The following HGSNAT variants were observed in gnomAD, a reference collection of about 807,000 sequenced individuals.
HGSNAT encodes heparan-alpha-glucosaminide N-acetyltransferase, also known as transmembrane protein 76.
HGSNAT carries 59 observed loss-of-function variants against 85.2 expected under a neutral mutation model. That is an observed-to-expected ratio of 0.69 (90% confidence interval 0.56 to 0.86). The LOEUF (loss-of-function observed/expected upper bound fraction) is 0.86, where lower values mean the gene tolerates loss of function less well. Among genes scored for constraint, HGSNAT ranks in the 40% least tolerant of loss-of-function variants. HGSNAT has a pLI of 0.00. For synonymous variants in HGSNAT, 321 were observed against 304.5 expected (o/e 1.05, Z -0.56); for missense variants, 756 against 777.1 (o/e 0.97, Z 0.32).
chr8:43,140,664 T>G (rs1283863223), intron 1 of HGSNAT, 50 bp downstream of exon 1: 19 of 966,798 alleles, frequency 2.0e-5, no homozygotes, highest in South Asian at 5.8e-5. Context: ...GCGCAGCGTC[T>G]CCTCTCCGCG....
intron 2 of HGSNAT, among the ~76,000 whole-genome samples, chr8:43,148,040 C>T (rs992151851): frequency 6.6e-6 from 1 of 151,522 alleles, no homozygotes; most frequent in Non-Finnish European, 1.5e-5. Flanking sequence ...GTCAGGAGTT[C>T]GAGACCAGCC....
intron 10 of HGSNAT, among the ~76,000 whole-genome samples, chr8:43,179,842 T>G: frequency 2.4e-5 from 1 of 41,128 alleles, no homozygotes; most frequent in Admixed American, 2.0e-4. Flanking sequence ...GGGGGGCTGA[T>G]CCCCCCACCT....
intron 11 of HGSNAT, among the ~76,000 whole-genome samples, chr8:43,185,491 TC>T: frequency 6.6e-6 from 1 of 152,352 alleles, no homozygotes; most frequent in Middle Eastern, 3.4e-3. Context: ...TGATTTTGTA[TC>T]CTGAGACTTT....
At chr8:43,186,078 G>A (rs923583309) in intron 11 of HGSNAT, among the ~76,000 whole-genome samples, 3 of 152,152 alleles carry the variant, frequency 2.0e-5, no homozygotes. Flanking sequence ...ATGTTCATCA[G>A]GGATATTGGT....
chr8:43,196,797 A>G lies in HGSNAT; in HGVS notation c.1465-151A>G, dbSNP rs1804741632. ...GTTAGTCTCCACTAGTCAAAGGCAG[A>G]GGTGATGTTTCCCGCCTCCCTGTAA... On this transcript the variant is annotated intron_variant, in intron 14 of 17. Coordinates refer to ENST00000379644, the MANE Select transcript of HGSNAT (RefSeq NM_152419.3). 4.7e-6 allele frequency: 3 copies of G among 634,842 alleles called. No homozygotes were observed. In the African/African-American group the frequency reaches 5.5e-5, roughly 12 times the overall value. The allele number at this position is 634,842 out of a possible 1,614,324, so 39.3% of individuals were successfully genotyped here.
intron 5 of HGSNAT, among the ~76,000 whole-genome samples, chr8:43,162,833 G>T (rs1040799713): frequency 2.6e-5 from 4 of 151,948 alleles, no homozygotes; most frequent in African/African-American, 9.7e-5. Flanking sequence ...GACTCCCAGA[G>T]TGCAGGGATT....
rs951657698 is a variant in HGSNAT at position 43,178,043 on chromosome 8, G to A, written c.852-31G>A. On this transcript the variant is annotated intron_variant, in intron 9 of 17. Coordinates refer to ENST00000379644, the MANE Select transcript of HGSNAT (RefSeq NM_152419.3). ...ATATATAGACAAAAAATTTGGAAATGGCCACCTATTAATAACTAGATTCTT... is the reference window on the plus strand; with the variant it reads ...ATATATAGACAAAAAATTTGGAAATAGCCACCTATTAATAACTAGATTCTT... 3.1e-6 allele frequency: 5 copies of A among 1,597,484 alleles called. No individual in the cohort carries two copies. In the African/African-American group the frequency reaches 6.7e-5, roughly 21 times the overall value.
chr8:43,156,227 G>A lies in HGSNAT; in HGVS notation c.235-2348G>A, dbSNP rs575317602. Among the ~76,000 whole-genome samples, 59 of 152,042 alleles carry A rather than the reference G, an allele frequency of 3.9e-4. 1 individual carries two copies. Among genetic ancestry groups the A allele is most frequent in the Admixed American group, 1.8e-3 (28 of 15,274 alleles). On this transcript the variant is annotated intron_variant, in intron 2 of 17. Transcript: ENST00000379644. The stretch of plus-strand genomic sequence containing the variant: ...TATTCCATAGGTTTTGGAATGTTGT[G>A]CTTCCATTTTCATATGGAAACAACA...
At chr8:43,195,747 GA>G (rs1164608409) in intron 14 of HGSNAT, 7 of 5,632 alleles carry the variant, frequency 1.2e-3, no homozygotes, top group Non-Finnish European at 0.011. Context: ...AGAGGAGGAA[GA>G]GGAGGAGGAG....
intron 12 of HGSNAT, 103 bp from the exon 13 acceptor site, chr8:43,192,201 T>A: frequency 7.5e-7 from 1 of 1,329,340 alleles, no homozygotes; most frequent in Non-Finnish European, 1.0e-6. Flanking sequence ...GTGTTGGGAT[T>A]ACAGGCGTGA....
rs1220052687 is a variant in HGSNAT at position 43,191,469 on chromosome 8, C to T, written c.1129-5C>T. 1.9e-6 allele frequency: 3 copies of T among 1,612,282 alleles called. No individual in the cohort carries two copies. Among genetic ancestry groups the T allele is most frequent in the East Asian group, 2.2e-5 (1 of 44,816 alleles). On this transcript the variant is annotated splice_polypyrimidine_tract_variant and splice_region_variant and intron_variant, in intron 11 of 17. Coordinates refer to ENST00000379644, the MANE Select transcript of HGSNAT (RefSeq NM_152419.3). The stretch of plus-strand genomic sequence containing the variant: ...CCCGTGTTTTATTTTTCTGCCCCCA[C>T]TCAGGAGAGGAGCTGCCTTTCTCTT...
chr8:43,179,300 C>A (rs1443819842), intron 10 of HGSNAT, among the ~76,000 whole-genome samples: 1 of 149,802 alleles, frequency 6.7e-6, no homozygotes, highest in African/African-American at 2.5e-5. Flanking sequence ...CTCCTCACTT[C>A]CCAGTAGGGG....
At chr8:43,184,661 C>G (rs1303336485) in intron 11 of HGSNAT, among the ~76,000 whole-genome samples, 1 of 152,088 alleles carries the variant, frequency 6.6e-6, no homozygotes, top group Non-Finnish European at 1.5e-5. Flanking sequence ...TTTGTCAATT[C>G]TGGCTTTTGT....
chr8:43,171,774 G>A (rs190717536), intron 7 of HGSNAT, among the ~76,000 whole-genome samples: 10 of 152,302 alleles, frequency 6.6e-5, no homozygotes, highest in Admixed American at 2.0e-4. Context: ...AATATGCTGG[G>A]CACTGGTTAG....
At chr8:43,158,503 A>G in intron 2 of HGSNAT, 72 bp from the exon 3 acceptor site, 1 of 1,522,984 alleles carries the variant, frequency 6.6e-7, no homozygotes, top group Non-Finnish European at 9.1e-7. Context: ...CCAGTTGGAT[A>G]TTTATGTCCT....
intron 11 of HGSNAT, among the ~76,000 whole-genome samples, chr8:43,184,991 T>C (rs1440153090): frequency 6.6e-6 from 1 of 152,204 alleles, no homozygotes; most frequent in African/African-American, 2.4e-5. Context: ...GTTCCATTGG[T>C]CTATATCTCT....
intron 12 of HGSNAT, 76 bp downstream of exon 12, chr8:43,191,671 C>A: frequency 2.6e-6 from 4 of 1,541,846 alleles, no homozygotes; most frequent in Non-Finnish European, 3.5e-6. Flanking sequence ...TTTCACAGGT[C>A]TCGAGTCAGA....
At chr8:43,162,401 C>T (rs917009005) in intron 5 of HGSNAT, among the ~76,000 whole-genome samples, 3 of 152,260 alleles carry the variant, frequency 2.0e-5, no homozygotes, top group African/African-American at 7.2e-5. Flanking sequence ...GCCCAGAAGC[C>T]GGTGTGTAAC....
intron 2 of HGSNAT, among the ~76,000 whole-genome samples, chr8:43,150,477 C>T (rs1802870244): frequency 6.6e-6 from 1 of 151,536 alleles, no homozygotes; most frequent in African/African-American, 2.4e-5. Context: ...CAAAACAAAA[C>T]AAAAACAAGA....
Sources: allele counts gnomAD v4.1 joint callset (sites outside exome capture counted in the v4.1 genomes callset), GRCh38; gene constraint gnomAD v4.1.1; transcripts MANE v1.5; gene names NCBI Gene and HGNC (gene_info 2026-07-23, HGNC 2026-07-21).